LGALS12: variants seen among roughly 807,000 people sequenced by gnomAD.
The protein encoded by LGALS12 is galectin 12.
LGALS12 carries 36 observed loss-of-function variants against 36.8 expected under a neutral mutation model. The ratio of observed to expected loss-of-function variants is 0.98; its 90% CI spans 0.75 to 1.29. The LOEUF is 1.29. LGALS12 is among the 50% of genes most tolerant of loss of function. The pLI is 0.00. For synonymous variants in LGALS12, 145 were observed against 155.9 expected, an observed-to-expected ratio of 0.93 and a Z score of 0.52; for missense variants, 366 against 394.3, an observed-to-expected ratio of 0.93 and a Z score of 0.61.
rs749408444 is a variant in LGALS12 at position 63,516,432 on chromosome 11, T to A, written c.*39T>A. On this transcript the variant is annotated 3_prime_UTR_variant, in exon 9 of 9. Coordinates refer to ENST00000394618, the MANE Select transcript of LGALS12 (RefSeq NM_033101.4). Reference sequence around the variant, plus strand: ...GAAATACCGCCAGAAAACAAGAAGGTCAGCCCACTCCCAGGGCCCCACTCT... The same window carrying A: ...GAAATACCGCCAGAAAACAAGAAGGACAGCCCACTCCCAGGGCCCCACTCT... 12 of 1,611,526 alleles carry A rather than the reference T, an allele frequency of 7.4e-6. No individual in the cohort carries two copies. The East Asian group carries it at 2.7e-4, about 36-fold the overall frequency.
intron 8 of LGALS12, among the ~76,000 whole-genome samples, chr11:63,515,927 G>C (rs558211129): frequency 0.011 from 835 of 74,734 alleles, 2 homozygotes; most frequent in Middle Eastern, 0.022. Context: ...TGATGCAGGT[G>C]GGGGGGGGCC....
chr11:63,515,693 T>C lies in LGALS12; in HGVS notation c.778T>C (p.Tyr260His). The change falls in exon 8 of 9, where the codon TAC (tyrosine) becomes CAC (histidine). Residue 260 changes from tyrosine (Y) to histidine (H), a missense_variant. Physicochemically the swap from Tyr to His is moderately conservative, Grantham distance 83. Coordinates refer to ENST00000394618, the MANE Select transcript of LGALS12 (RefSeq NM_033101.4). The stretch of plus-strand genomic sequence containing the variant: ...ACTGATCTCAGCCCCCTTCCTCTTT[T>C]ACCCCCAGAGATTCTTTGAGGTAGG... ...KKLISAPFLFYPQRFFEVLLL... is the reference protein window; with the variant it reads ...KKLISAPFLFHPQRFFEVLLL... The C allele has an allele frequency of 6.2e-7, 1 of 1,614,148 alleles. No individual in the cohort carries two copies. Among genetic ancestry groups the C allele is most frequent in the Non-Finnish European group, 8.5e-7 (1 of 1,180,010 alleles).
At chr11:63,510,144 T>C (rs1414459880) in intron 4 of LGALS12, among the ~76,000 whole-genome samples, 5 of 152,020 alleles carry the variant, frequency 3.3e-5, no homozygotes, top group African/African-American at 4.8e-5. Flanking sequence ...GTGGGTCTGG[T>C]TAACACTGAG....
At chr11:63,508,366 C>T (rs907037417) in intron 1 of LGALS12, 187 bp from the exon 2 acceptor site, 7 of 1,432,092 alleles carry the variant, frequency 4.9e-6, no homozygotes, top group South Asian at 3.0e-5. Context: ...TGCCGTGTGA[C>T]GGTCCAGGAA....
intron 6 of LGALS12, 23 bp from the exon 7 acceptor site, chr11:63,511,729 C>T (rs1278453786): frequency 6.3e-7 from 1 of 1,582,292 alleles, no homozygotes; most frequent in East Asian, 2.2e-5. Flanking sequence ...GTCAACTTCT[C>T]AATACCTCCC....
In LGALS12 at chr11:63,508,929, C is replaced by G; in HGVS notation, c.310C>G (p.Leu104Val). The change falls in exon 3 of 9, where the codon CTG becomes GTG. Residue 104 changes from leucine to valine, a missense_variant. By Grantham distance (32) the Leu-to-Val change is conservative. Transcript: ENST00000394618. Reference sequence around the variant, plus strand: ...GCAAAGGGAGGCCCGGTGGCCCCACCTGGCCCTGCGAAGAGGCTCCAGCTT... The same window carrying G: ...GCAAAGGGAGGCCCGGTGGCCCCACGTGGCCCTGCGAAGAGGCTCCAGCTT... ...RWQREARWPH[L>V]ALRRGSSFLI... 4 of 1,614,242 alleles carry G rather than the reference C, an allele frequency of 2.5e-6. No homozygotes were observed. Among genetic ancestry groups the G allele is most frequent in the Non-Finnish European group, 3.4e-6 (4 of 1,180,024 alleles).
At chr11:63,511,050 C>G (rs767165476) in intron 5 of LGALS12, 29 bp from the exon 6 acceptor site, 1 of 1,611,970 alleles carries the variant, frequency 6.2e-7, no homozygotes. Flanking sequence ...ACCACATGGC[C>G]TTGTGTCCTC....
chr11:63,507,308 T>C (rs2016769586), intron 1 of LGALS12, among the ~76,000 whole-genome samples: 1 of 152,186 alleles, frequency 6.6e-6, no homozygotes, highest in South Asian at 2.1e-4. Context: ...TTCAGTTTTT[T>C]CTAGGTGGTT....
Position 63,515,554 on chromosome 11 carries a change from TTC to T in LGALS12, c.648-8_648-7del. On this transcript the variant is annotated splice_polypyrimidine_tract_variant and splice_region_variant and intron_variant, in intron 7 of 8. Coordinates refer to ENST00000394618, the MANE Select transcript of LGALS12 (RefSeq NM_033101.4). ...GCTGATTCCTTCTCCTTCCTCCTGC[TTC>T]CTGCAGTTTTACTGTGAGCCTGAGG... 1 of 1,613,908 alleles carries T rather than the reference TTC, an allele frequency of 6.2e-7. No homozygotes were observed. Among genetic ancestry groups the T allele is most frequent in the African/African-American group, 1.3e-5 (1 of 75,072 alleles).
intron 1 of LGALS12, among the ~76,000 whole-genome samples, chr11:63,507,086 T>A (rs916924233): frequency 2.6e-5 from 4 of 152,188 alleles, no homozygotes; most frequent in African/African-American, 9.7e-5. Context: ...GAGAGCTGCA[T>A]CCACTCAGTT....
Position 63,508,903 on chromosome 11 carries a change from G to A in LGALS12, c.284G>A (p.Trp95Ter). 1 of 1,614,250 alleles carries A rather than the reference G, an allele frequency of 6.2e-7. No individual in the cohort carries two copies. ...TGCAACACCCTGCATGGTGGACGCT[G>A]GCAAAGGGAGGCCCGGTGGCCCCAC... ...VICNTLHGGR[W>*]QREARWPHLA... The change falls in exon 3 of 9, where the codon TGG becomes TAG. Residue 95 changes from tryptophan to a stop codon, truncating the protein, a stop_gained. Coordinates refer to ENST00000394618, the MANE Select transcript of LGALS12 (RefSeq NM_033101.4). LOFTEE classifies it high-confidence loss of function.
In LGALS12 at chr11:63,506,643, C is replaced by G; in HGVS notation, c.69+116C>G. ...ACCTCAGTCTTTCTGCTTCTCCCAGCACCTGCCCTGGGTTCTGGAAGGCCC... is the reference window on the plus strand; with the variant it reads ...ACCTCAGTCTTTCTGCTTCTCCCAGGACCTGCCCTGGGTTCTGGAAGGCCC... On this transcript the variant is annotated intron_variant, in intron 1 of 8. Coordinates refer to ENST00000394618, the MANE Select transcript of LGALS12 (RefSeq NM_033101.4). The G allele has an allele frequency of 2.2e-6, 3 of 1,379,700 alleles. No individual in the cohort carries two copies. In the Admixed American group the frequency reaches 5.4e-5, roughly 25 times the overall value. 85.5% of individuals were successfully genotyped at this position (1,379,700 alleles called of 1,614,324 possible). A position where few individuals can be genotyped will look rare whatever the true frequency, so the allele number is the denominator to read the frequency against.
Position 63,511,826 on chromosome 11 carries a change from G to C in LGALS12, c.633G>C (p.Leu211Phe). Reference protein sequence around the residue: ...GQVIIVRGLVLQEPKHFTVSL... With the variant: ...GQVIIVRGLVFQEPKHFTVSL... Reference sequence around the variant, plus strand: ...TCATCATAGTACGGGGACTGGTCTTGCAAGAGCCGAAGCAGTAAGTATCCA... The same window carrying C: ...TCATCATAGTACGGGGACTGGTCTTCCAAGAGCCGAAGCAGTAAGTATCCA... Residue 211 changes from leucine (L) to phenylalanine (F), a missense_variant, in exon 7 of 9, where the codon TTG (leucine) becomes TTC (phenylalanine). Leu to Phe is a conservative substitution (Grantham distance 22). Transcript: ENST00000394618. The C allele has an allele frequency of 2.5e-6, 4 of 1,612,616 alleles. No homozygotes were observed. The East Asian group carries it at 8.9e-5, about 36-fold the overall frequency.
chr11:63,512,743 C>T (rs576679659), intron 7 of LGALS12, among the ~76,000 whole-genome samples: 5 of 149,534 alleles, frequency 3.3e-5, no homozygotes, highest in South Asian at 2.1e-4. Flanking sequence ...GATCCGAGAT[C>T]GCGCCACTGC....
chr11:63,506,249 C>G lies in LGALS12; in HGVS notation c.-210C>G. On this transcript the variant is annotated 5_prime_UTR_variant, in exon 1 of 9. Coordinates refer to ENST00000394618, the MANE Select transcript of LGALS12 (RefSeq NM_033101.4). Reference sequence around the variant, plus strand: ...CCAGCCAGAGCTCTGCTGTATACCACCGGGAGTGGGGCTGGTGTGGAGCCT... The same window carrying G: ...CCAGCCAGAGCTCTGCTGTATACCAGCGGGAGTGGGGCTGGTGTGGAGCCT... 1 of 822,740 alleles carries G rather than the reference C, an allele frequency of 1.2e-6. No individual in the cohort carries two copies. Among genetic ancestry groups the G allele is most frequent in the South Asian group, 1.7e-5 (1 of 57,544 alleles). The allele number at this position is 822,740 out of a possible 1,614,324, so 51.0% of individuals were successfully genotyped here.
At position 63,508,851 on chromosome 11, in the gene LGALS12, T is replaced by C. The variant is rs755027759; in HGVS notation, c.232T>C (p.Phe78Leu). The part of the protein sequence containing the change: ...PDIAFHFNPR[F>L]HTTKPHVICN... ...TATCGCCTTCCACTTCAACCCTCGC[T>C]TCCATACCACCAAGCCCCATGTCAT... The change falls in exon 3 of 9, where the codon TTC becomes CTC. Residue 78 changes from phenylalanine to leucine, a missense_variant. Phe to Leu is a conservative substitution (Grantham distance 22). Coordinates refer to ENST00000394618, the MANE Select transcript of LGALS12 (RefSeq NM_033101.4). 1.7e-5 allele frequency: 27 copies of C among 1,614,084 alleles called. No homozygotes were observed. In the South Asian group the frequency reaches 2.0e-4, roughly 12 times the overall value.
Position 63,508,611 on chromosome 11 carries a change from T to G in LGALS12, c.128T>G (p.Leu43Arg), listed in dbSNP as rs775666434. ...CTGCATGCAGGCAAGATGGTCATGC[T>G]GCAAGGAGTGGTCCCTCTAGATGCA... ...GGLHAGKMVM[L>R]QGVVPLDAHR... The change falls in exon 2 of 9, where the codon CTG becomes CGG. Residue 43 changes from leucine to arginine, a missense_variant. Physicochemically the swap from Leu to Arg is moderately radical, Grantham distance 102. Coordinates refer to ENST00000394618, the MANE Select transcript of LGALS12 (RefSeq NM_033101.4). 1 of 1,614,176 alleles carries G rather than the reference T, an allele frequency of 6.2e-7. No homozygotes were observed. The highest frequency in any genetic ancestry group is 2.2e-5 in the East Asian group (1 of 44,876).
At chr11:63,515,476 C>T (rs1415539278) in intron 7 of LGALS12, 87 bp from the exon 8 acceptor site, 1 of 1,513,082 alleles carries the variant, frequency 6.6e-7, no homozygotes, top group Admixed American at 1.8e-5. Flanking sequence ...CCATCCACTC[C>T]CTGACCTCCA....
intron 7 of LGALS12, among the ~76,000 whole-genome samples, chr11:63,515,102 A>G (rs2017040089): frequency 6.6e-6 from 1 of 152,242 alleles, no homozygotes; most frequent in East Asian, 1.9e-4. Context: ...GTCTTGCCCA[A>G]GGTCACAGGA....
Sources: gnomAD v4.1 joint callset for allele counts (sites outside exome capture counted in the v4.1 genomes callset) on GRCh38, gnomAD v4.1.1 for gene constraint, MANE v1.5 for transcripts, NCBI Gene and HGNC (gene_info 2026-07-23, HGNC 2026-07-21) for gene names.